The following ZNF385D variants were observed in gnomAD, a reference collection of about 807,000 sequenced individuals.
ZNF385D encodes the protein zinc finger protein 659.
In ZNF385D, 15 loss-of-function variants were observed where a neutral mutation model predicts 35.8. The ratio of observed to expected loss-of-function variants is 0.42; its 90% confidence interval spans 0.28 to 0.64. The LOEUF is 0.64. ZNF385D is among the 30% of genes least tolerant of loss of function. ZNF385D has a pLI of 0.23. For synonymous variants in ZNF385D, 212 were observed against 186.8 expected (o/e 1.13, Z -1.10); for missense variants, 474 against 494.6 (o/e 0.96, Z 0.39).
intron 2 of ZNF385D, among the ~76,000 whole-genome samples, chr3:22,275,882 C>T (rs942996823): frequency 5.3e-5 from 8 of 152,028 alleles, no homozygotes; most frequent in Non-Finnish European, 7.4e-5. Context: ...GTCAGGAGTT[C>T]GAGACCAGCC....
chr3:22,321,164 G>GTTTTTTTTTTTTTTTTTTTTT, intron 2 of ZNF385D, among the ~76,000 whole-genome samples: 1 of 76,164 alleles, frequency 1.3e-5, no homozygotes, highest in Non-Finnish European at 2.4e-5. Context: ...TTATGACCTT[G>GTTTTTTTTTTTTTTTTTTTTT]TTTTTTTTTT....
In ZNF385D at chr3:21,539,061, T is replaced by C. The variant is rs909446629; in HGVS notation, c.276+25513A>G. Reference sequence around the variant, plus strand: ...TCTGGTCTGAGAAGAGATGAACTAGTTTTCAGCTAATACGGAACAAAGGGA... The same window carrying C: ...TCTGGTCTGAGAAGAGATGAACTAGCTTTCAGCTAATACGGAACAAAGGGA... On this transcript the variant is annotated intron_variant, in intron 3 of 7. Transcript: ENST00000281523. This position sits in a 1 kb window ranked among gnomAD's most constrained non-coding sequence, Gnocchi z 4.0. Among the ~76,000 whole-genome samples, 2 of 151,996 alleles carry C rather than the reference T, an allele frequency of 1.3e-5. No homozygotes were observed. Among genetic ancestry groups the C allele is most frequent in the Non-Finnish European group, 2.9e-5 (2 of 68,008 alleles).
chr3:22,029,293 T>C (rs1287988899), intron 3 of ZNF385D, among the ~76,000 whole-genome samples: 1 of 152,142 alleles, frequency 6.6e-6, no homozygotes, highest in Non-Finnish European at 1.5e-5. Flanking sequence ...AGGAAGAGTA[T>C]GCATGGAATA....
intron 3 of ZNF385D, among the ~76,000 whole-genome samples, chr3:22,110,788 TAAA>T (rs72518246): frequency 1.4e-5 from 2 of 141,016 alleles, no homozygotes; most frequent in Admixed American, 1.4e-4. Context: ...TAAAGTATAA[TAAA>T]AAAAAAAAGA....
At chr3:22,079,560 A>C (rs911870155) in intron 3 of ZNF385D, among the ~76,000 whole-genome samples, 12 of 151,966 alleles carry the variant, frequency 7.9e-5, no homozygotes, top group African/African-American at 2.7e-4. Context: ...AAGTTCCCTC[A>C]CCATTTCGCA....
rs895316869 is a variant in ZNF385D, at chr3:22,034,406, A to G, written c.325+134411T>C. ...CAGCCTCCAAAACTGTGAGAAATTT[A>G]TTTCTGTTATTTATATGCCACCAAG... On this transcript the variant is annotated intron_variant, in intron 3 of 5. Coordinates refer to the ZNF385D transcript ENST00000494108. 1.2e-4 allele frequency among the ~76,000 whole-genome samples: 19 copies of G among 152,068 alleles called. 1 individual carries two copies. The highest frequency in any genetic ancestry group is 1.0e-3 in the Admixed American group (16 of 15,254).
At chr3:21,823,601 C>T (rs1383827301) in intron 3 of ZNF385D, among the ~76,000 whole-genome samples, 1 of 152,130 alleles carries the variant, frequency 6.6e-6, no homozygotes, top group Non-Finnish European at 1.5e-5. Flanking sequence ...TTTTCTGGCC[C>T]AAGGTGATAA....
intron 2 of ZNF385D, among the ~76,000 whole-genome samples, chr3:22,171,352 G>C (rs1358145350): frequency 2.0e-5 from 3 of 151,914 alleles, no homozygotes; most frequent in African/African-American, 7.3e-5. Flanking sequence ...ATTTAGCAGG[G>C]GAAAATATTG....
chr3:21,688,341 A>G (rs575205118), intron 1 of ZNF385D, among the ~76,000 whole-genome samples: 1 of 152,284 alleles, frequency 6.6e-6, no homozygotes, highest in South Asian at 2.1e-4. Flanking sequence ...ATCATTGGTC[A>G]TTATTGGTAT....
intron 3 of ZNF385D, among the ~76,000 whole-genome samples, chr3:21,838,771 T>C (rs1399372083): frequency 6.6e-6 from 1 of 152,100 alleles, no homozygotes; most frequent in Non-Finnish European, 1.5e-5. Context: ...TGCTAACTTA[T>C]ATATCATCCA....
chr3:21,587,948 G>T (rs1170701820), intron 2 of ZNF385D, among the ~76,000 whole-genome samples: 1 of 152,118 alleles, frequency 6.6e-6, no homozygotes, highest in African/African-American at 2.4e-5. Context: ...TTTTTAAAAA[G>T]GTAGGTTCTA....
chr3:22,183,286 G>A (rs1695405534), intron 2 of ZNF385D, among the ~76,000 whole-genome samples: 2 of 152,090 alleles, frequency 1.3e-5, no homozygotes, highest in Non-Finnish European at 2.9e-5. Flanking sequence ...TTATCTTAAA[G>A]GTAACAGTAT....
intron 2 of ZNF385D, among the ~76,000 whole-genome samples, chr3:21,611,437 C>CA (rs1234073308): frequency 6.6e-6 from 1 of 152,144 alleles, no homozygotes; most frequent in Non-Finnish European, 1.5e-5. Flanking sequence ...GCCTAAACCA[C>CA]ATGTGGCAAG....
At chr3:22,286,798 T>C (rs1702047140) in intron 2 of ZNF385D, among the ~76,000 whole-genome samples, 1 of 152,142 alleles carries the variant, frequency 6.6e-6, no homozygotes, top group Non-Finnish European at 1.5e-5. Flanking sequence ...GCTTAACATA[T>C]GATCTTTTCT....
At chr3:21,510,749 C>T in intron 4 of ZNF385D, 112 bp downstream of exon 4, 2 of 1,365,302 alleles carry the variant, frequency 1.5e-6, no homozygotes, top group Non-Finnish European at 2.0e-6. Context: ...AAAGATGGCT[C>T]AAGCATGAAT....
At chr3:22,245,180 A>T (rs1247272510) in intron 2 of ZNF385D, among the ~76,000 whole-genome samples, 3 of 152,166 alleles carry the variant, frequency 2.0e-5, no homozygotes, top group Non-Finnish European at 4.4e-5. Context: ...AATTCCAGCA[A>T]CATTATTATT....
intron 3 of ZNF385D, among the ~76,000 whole-genome samples, chr3:21,985,562 A>C (rs368401780): frequency 1.9e-5 from 2 of 106,034 alleles, no homozygotes; most frequent in African/African-American, 9.3e-5. Context: ...TGCTGGATTC[A>C]GTTTGCCAGT....
intron 2 of ZNF385D, among the ~76,000 whole-genome samples, chr3:21,638,025 T>C (rs2065496576): frequency 6.6e-6 from 1 of 152,098 alleles, no homozygotes; most frequent in Non-Finnish European, 1.5e-5. Context: ...TCAGAGGAAA[T>C]TTAAAGAAGC....
chr3:21,691,528 TTC>T (rs922939184), intron 1 of ZNF385D, among the ~76,000 whole-genome samples: 37 of 152,240 alleles, frequency 2.4e-4, no homozygotes, highest in African/African-American at 8.4e-4. Context: ...CTTTTCTCCT[TTC>T]TTTCTTCTAA....
Sources: gnomAD v4.1 joint callset for allele counts (sites outside exome capture counted in the v4.1 genomes callset) on GRCh38, gnomAD v4.1.1 for gene constraint, Gnocchi (gnomAD v3.1) non-coding constraint, MANE v1.5 for transcripts, NCBI Gene and HGNC (gene_info 2026-07-23, HGNC 2026-07-21) for gene names.